Variants in CFAP299 observed in about 807,000 individuals in gnomAD.
CFAP299 encodes the protein cilia and flagella associated protein 299, also known as cilia- and flagella-associated protein 299.
In CFAP299, 21 loss-of-function variants were observed where a neutral mutation model predicts 27.0. That is an observed-to-expected ratio of 0.78 (90% CI 0.55 to 1.12). The LOEUF is 1.12. CFAP299 is among the 50% of genes most tolerant of loss of function. CFAP299 has a pLI of 0.00. For synonymous variants in CFAP299, 104 were observed against 98.1 expected, an observed-to-expected ratio of 1.06 and a Z score of -0.36; for missense variants, 310 against 276.6, an observed-to-expected ratio of 1.12 and a Z score of -0.86.
chr4:80,390,952 C>CATATATGCATAT (rs879445172), intron 2 of CFAP299, among the ~76,000 whole-genome samples: 1 of 37,802 alleles, frequency 2.6e-5, no homozygotes, highest in African/African-American at 8.1e-5. Context: ...TATGTACACA[C>CATATATGCATAT]ATGTATATAT....
chr4:80,837,731 T>C lies in CFAP299; in HGVS notation c.334-32262T>C, dbSNP rs1296352833. On this transcript the variant is annotated intron_variant, in intron 3 of 5. Coordinates refer to ENST00000358105, the MANE Select transcript of CFAP299 (RefSeq NM_152770.3). ...TCCAAGTCTTTACTATTGTGAATAG[T>C]GCTGCAATAAGCATATGTGTGCATG... 2.6e-5 allele frequency among the ~76,000 whole-genome samples: 4 copies of C among 152,226 alleles called. No homozygotes were observed. In the South Asian group the frequency reaches 6.2e-4, roughly 24 times the overall value.
At chr4:80,352,159 A>G (rs143111773) in intron 1 of CFAP299, among the ~76,000 whole-genome samples, 3 of 152,196 alleles carry the variant, frequency 2.0e-5, no homozygotes, top group Non-Finnish European at 2.9e-5. Context: ...TGCAAAATTG[A>G]TAAGAATTGA....
chr4:80,846,125 T>G (rs1056386301), intron 3 of CFAP299, among the ~76,000 whole-genome samples: 2 of 152,076 alleles, frequency 1.3e-5, no homozygotes, highest in Non-Finnish European at 2.9e-5. Flanking sequence ...ATAGGGAGAC[T>G]TTATTAGAGG....
At chr4:80,672,766 T>C (rs1741571740) in intron 3 of CFAP299, among the ~76,000 whole-genome samples, 2 of 152,236 alleles carry the variant, frequency 1.3e-5, no homozygotes, top group South Asian at 4.1e-4. Context: ...ATCCATTTCT[T>C]CTAGATTTTC....
At chr4:80,346,961 T>C (rs909002188) in intron 1 of CFAP299, among the ~76,000 whole-genome samples, 2 of 152,220 alleles carry the variant, frequency 1.3e-5, no homozygotes, top group Non-Finnish European at 2.9e-5. Context: ...AGCAGTGGTT[T>C]GTAGTTCTCC....
intron 3 of CFAP299, among the ~76,000 whole-genome samples, chr4:80,610,737 A>G (rs1737924014): frequency 6.6e-6 from 1 of 151,916 alleles, no homozygotes; most frequent in Admixed American, 6.6e-5. Context: ...ATGCAAACCC[A>G]TCGATTCTAT....
In CFAP299 at chr4:80,849,471, A is replaced by C. The variant is rs145133251; in HGVS notation, c.334-20522A>C. ...TGATGGTTAATTCTGTTTGAAACCT[A>C]GAAAAAAATCAAGTACAGGTAAAAG... is the stretch of plus-strand genomic sequence containing the variant. On this transcript the variant is annotated intron_variant, in intron 3 of 5. Transcript: ENST00000358105. Among the ~76,000 whole-genome samples, 380 of 152,332 alleles carry C rather than the reference A, an allele frequency of 2.5e-3. 5 individuals carry two copies. Among genetic ancestry groups the C allele is most frequent in the African/African-American group, 8.4e-3 (351 of 41,574 alleles).
At chr4:80,537,895 T>C (rs145097721) in intron 2 of CFAP299, among the ~76,000 whole-genome samples, 164 of 152,204 alleles carry the variant, frequency 1.1e-3, no homozygotes, top group African/African-American at 3.8e-3. Context: ...TTTCCCAAAA[T>C]GTACATATAT....
chr4:80,799,126 C>A (rs1356743967), intron 3 of CFAP299, among the ~76,000 whole-genome samples: 13 of 109,674 alleles, frequency 1.2e-4, no homozygotes, highest in African/African-American at 4.0e-4. Flanking sequence ...TATATTTATA[C>A]AATATTTATA....
chr4:80,799,058 G>A (rs996854011), intron 3 of CFAP299, among the ~76,000 whole-genome samples: 8 of 144,560 alleles, frequency 5.5e-5, no homozygotes, highest in Admixed American at 1.5e-4. Context: ...TATTAGTCAG[G>A]GGTTCTGTAA....
In CFAP299 at chr4:80,938,311, G is replaced by A. The variant is rs987921369; in HGVS notation, c.477-6499G>A. On this transcript the variant is annotated intron_variant, in intron 4 of 5. Transcript: ENST00000358105. ...CATGACACCCACGCTTGAAGGTTGT[G>A]GGTTTACCAGAATGAGGGCAAGGAA... Among the ~76,000 whole-genome samples, 5 of 152,150 alleles carry A rather than the reference G, an allele frequency of 3.3e-5. No homozygotes were observed. In the East Asian group the frequency reaches 9.6e-4, roughly 29 times the overall value.
rs569724711 is a variant in CFAP299, at chr4:80,861,372, C to A, written c.334-8621C>A. 2.1e-3 allele frequency among the ~76,000 whole-genome samples: 325 copies of A among 152,304 alleles called. 2 individuals are homozygous for A. The highest frequency in any genetic ancestry group is 7.5e-3 in the African/African-American group (310 of 41,570). On this transcript the variant is annotated intron_variant, in intron 3 of 5. Transcript: ENST00000358105. ...GACCCCTTGCGCTTCCCAAGTGAGG[C>A]AATGCCTCACCCTGCTTTGGCTCGT...
chr4:80,719,654 G>T (rs1395189154), intron 3 of CFAP299, among the ~76,000 whole-genome samples: 1 of 152,126 alleles, frequency 6.6e-6, no homozygotes, highest in Non-Finnish European at 1.5e-5. Flanking sequence ...TCCTGCCTAG[G>T]CTGCCATCAC....
At chr4:80,962,965 A>G (rs1419260564) in intron 5 of CFAP299, among the ~76,000 whole-genome samples, 1 of 151,960 alleles carries the variant, frequency 6.6e-6, no homozygotes, top group Non-Finnish European at 1.5e-5. Context: ...ATGGTAAACT[A>G]TGCTAATTTT....
intron 2 of CFAP299, among the ~76,000 whole-genome samples, chr4:80,391,809 A>T (rs548477479): frequency 6.6e-6 from 1 of 152,304 alleles, no homozygotes; most frequent in Admixed American, 6.5e-5. Context: ...CACTACAAAA[A>T]TTACAAAATT....
At chr4:80,527,503 T>C (rs1372720133) in intron 2 of CFAP299, among the ~76,000 whole-genome samples, 8 of 152,126 alleles carry the variant, frequency 5.3e-5, no homozygotes, top group Admixed American at 5.2e-4. Context: ...TAAAAGCTCC[T>C]AATAACTTTC....
intron 3 of CFAP299, among the ~76,000 whole-genome samples, chr4:80,632,348 T>G (rs1739254504): frequency 1.3e-5 from 2 of 152,200 alleles, no homozygotes; most frequent in African/African-American, 4.8e-5. Context: ...ATTTGCTCAT[T>G]CATTCAATAA....
chr4:80,363,091 G>A lies in CFAP299; in HGVS notation c.242+207G>A, dbSNP rs1485518178. 3.3e-5 allele frequency among the ~76,000 whole-genome samples: 5 copies of A among 152,138 alleles called. No individual in the cohort carries two copies. In the South Asian group the frequency reaches 6.2e-4, roughly 19 times the overall value. On this transcript the variant is annotated intron_variant, in intron 2 of 5. Transcript: ENST00000358105. The stretch of plus-strand genomic sequence containing the variant: ...ACATGCAACTTCAAGCTACTAATTT[G>A]AAATATACATACCAAAATATGGTCA...
At position 80,713,788 on chromosome 4, in the gene CFAP299, A is replaced by G. The variant is rs1317939278; in HGVS notation, c.333+130605A>G. ...ATTTAATTTGTAACTTTACATTTAC[A>G]CAAAATAATAAAGTAATGGCCTTCA... On this transcript the variant is annotated intron_variant, in intron 3 of 5. Coordinates refer to ENST00000358105, the MANE Select transcript of CFAP299 (RefSeq NM_152770.3). Among the ~76,000 whole-genome samples, 6 of 152,234 alleles carry G rather than the reference A, an allele frequency of 3.9e-5. No homozygotes were observed. The East Asian group carries it at 1.2e-3, about 29-fold the overall frequency.
Sources: gnomAD v4.1 joint callset for allele counts (sites outside exome capture counted in the v4.1 genomes callset) on GRCh38, gnomAD v4.1.1 for gene constraint, MANE v1.5 for transcripts, NCBI Gene and HGNC (gene_info 2026-07-23, HGNC 2026-07-21) for gene names.